Variants in LMBR1 observed in about 807,000 individuals in gnomAD.
The protein encoded by LMBR1 is limb region 1 protein homolog.
A neutral mutation model predicts 73.9 loss-of-function variants in LMBR1; 52 were observed. The observed-to-expected ratio is 0.70, with a 90% CI of 0.56 to 0.89. The LOEUF (loss-of-function observed/expected upper bound fraction) is 0.89. Ranked by LOEUF, LMBR1 falls within the 40% of genes least tolerant of loss-of-function variation. LMBR1 has a pLI of 0.00. For missense variants in LMBR1, 539 were observed against 579.8 expected (o/e 0.93, Z 0.72); for synonymous variants, 215 against 209.4 (o/e 1.03, Z -0.23).
intron 4 of LMBR1, among the ~76,000 whole-genome samples, chr7:156,806,299 A>T (rs1354946435): frequency 6.6e-6 from 1 of 152,222 alleles, no homozygotes; most frequent in Non-Finnish European, 1.5e-5. Context: ...AGTATATAGA[A>T]ATATAATTGT....
chr7:156,838,428 C>T (rs1838052099), intron 1 of LMBR1, among the ~76,000 whole-genome samples: 1 of 152,282 alleles, frequency 6.6e-6, no homozygotes, highest in African/African-American at 2.4e-5. Context: ...AAAAGTTCAA[C>T]ATTTTTAAAT....
chr7:156,733,556 C>T (rs1044049193), intron 10 of LMBR1, among the ~76,000 whole-genome samples: 7 of 151,636 alleles, frequency 4.6e-5, no homozygotes, highest in Admixed American at 3.9e-4. Flanking sequence ...ATTAGACATG[C>T]ACAAGATTGG....
At position 156,681,067 on chromosome 7, in the gene LMBR1, C is replaced by T; in HGVS notation, c.*3011G>A. 1 of 401,582 alleles carries T rather than the reference C, an allele frequency of 2.5e-6. No individual in the cohort carries two copies. The allele number at this position is 401,582 out of a possible 1,614,324, so 24.9% of individuals were successfully genotyped here. ...TTTTTTCAAGTTTAAAAAGTCGGTG[C>T]TGCATCTATGTTCACATTAAAAAAA... On this transcript the variant is annotated 3_prime_UTR_variant, in exon 17 of 17. Transcript: ENST00000353442.
At chr7:156,832,784 A>T (rs1401876722) in intron 3 of LMBR1, among the ~76,000 whole-genome samples, 1 of 152,238 alleles carries the variant, frequency 6.6e-6, no homozygotes, top group Non-Finnish European at 1.5e-5. Flanking sequence ...ATGAAGAAAG[A>T]TCAGACAAAA....
At chr7:156,692,210 G>A (rs1327757535) in intron 15 of LMBR1, among the ~76,000 whole-genome samples, 1 of 151,994 alleles carries the variant, frequency 6.6e-6, no homozygotes, top group African/African-American at 2.4e-5. Context: ...CCAAGTAGTT[G>A]GGAATACAGG....
At chr7:156,847,765 A>C (rs1795699988) in intron 1 of LMBR1, among the ~76,000 whole-genome samples, 1 of 152,198 alleles carries the variant, frequency 6.6e-6, no homozygotes. Context: ...GAACACCACC[A>C]AATGCTGGTG....
chr7:156,737,493 T>G (rs1040110274), intron 9 of LMBR1, among the ~76,000 whole-genome samples: 1 of 152,150 alleles, frequency 6.6e-6, no homozygotes, highest in African/African-American at 2.4e-5. Flanking sequence ...AATCTTCATT[T>G]TGTCATTTCC....
Position 156,733,577 on chromosome 7 carries a change from G to C in LMBR1, c.838+600C>G, listed in dbSNP as rs1017658543. On this transcript the variant is annotated intron_variant, in intron 10 of 16. Transcript: ENST00000353442. Reference sequence around the variant, plus strand: ...CATGCACAAGATTGGTGAAAGTGAAGACACAGCTATAGACGCTAATCAAAA... The same window carrying C: ...CATGCACAAGATTGGTGAAAGTGAACACACAGCTATAGACGCTAATCAAAA... 3.8e-4 allele frequency among the ~76,000 whole-genome samples: 57 copies of C among 151,850 alleles called. 2 individuals carry two copies. Among genetic ancestry groups the C allele is most frequent in the African/African-American group, 2.4e-5 (1 of 41,356 alleles).
chr7:156,854,532 C>G (rs1000107224), intron 1 of LMBR1, among the ~76,000 whole-genome samples: 2 of 152,230 alleles, frequency 1.3e-5, no homozygotes, highest in African/African-American at 4.8e-5. Flanking sequence ...ATGCTGTTCA[C>G]CTCAAGAAAG....
chr7:156,763,723 A>G lies in LMBR1; in HGVS notation c.496T>C (p.Trp166Arg). ...TTGTCAATGAGTGCTGAAGCTACCCACACTATCCCAAGAATGAGTAACGCA... is the reference window on the plus strand; with the variant it reads ...TTGTCAATGAGTGCTGAAGCTACCCGCACTATCCCAAGAATGAGTAACGCA... ...LLALLILGIV[W>R]VASALIDNDA... The change falls in exon 6 of 17, where the codon TGG becomes CGG. Residue 166 changes from tryptophan (W) to arginine (R), a missense_variant. Trp to Arg is a moderately radical substitution (Grantham distance 101, BLOSUM62 -3). Transcript: ENST00000353442. The G allele has an allele frequency of 6.2e-7, 1 of 1,606,332 alleles. No homozygotes were observed. The highest frequency in any genetic ancestry group is 8.5e-7 in the Non-Finnish European group (1 of 1,178,326).
At chr7:156,749,853 T>C (rs1269087975) in intron 9 of LMBR1, among the ~76,000 whole-genome samples, 1 of 151,960 alleles carries the variant, frequency 6.6e-6, no homozygotes, top group African/African-American at 2.4e-5. Context: ...CCACACCCCC[T>C]AATTTTTGTA....
Position 156,728,736 on chromosome 7 carries a change from A to T in LMBR1, c.839-16T>A, listed in dbSNP as rs753050413. Reference sequence around the variant, plus strand: ...TTTCGCCTCTCTATTAAAAGGAAAAACAAAATAAAACAAAGTTTTCTCCAA... The same window carrying T: ...TTTCGCCTCTCTATTAAAAGGAAAATCAAAATAAAACAAAGTTTTCTCCAA... On this transcript the variant is annotated splice_polypyrimidine_tract_variant and intron_variant, in intron 10 of 16. Transcript: ENST00000353442. 1.0e-5 allele frequency: 16 copies of T among 1,536,992 alleles called. No individual in the cohort carries two copies. Among genetic ancestry groups the T allele is most frequent in the Non-Finnish European group, 1.4e-5 (16 of 1,130,544 alleles).
intron 1 of LMBR1, among the ~76,000 whole-genome samples, chr7:156,889,887 C>T (rs1021354686): frequency 2.0e-5 from 3 of 152,052 alleles, no homozygotes; most frequent in African/African-American, 7.2e-5. Flanking sequence ...GCCTGTAGTC[C>T]CAGCTACTTG....
At chr7:156,820,593 G>C (rs1384469930) in intron 4 of LMBR1, among the ~76,000 whole-genome samples, 1 of 152,198 alleles carries the variant, frequency 6.6e-6, no homozygotes, top group Non-Finnish European at 1.5e-5. Flanking sequence ...TAGGGGTCCA[G>C]TGTTGTAGGG....
intron 5 of LMBR1, among the ~76,000 whole-genome samples, chr7:156,775,440 C>T (rs959257428): frequency 2.6e-5 from 4 of 152,158 alleles, no homozygotes; most frequent in African/African-American, 9.7e-5. Flanking sequence ...CACATGCACA[C>T]ATACATTGAC....
Position 156,844,135 on chromosome 7 carries a change from G to A in LMBR1, c.67-7250C>T, listed in dbSNP as rs568704171. ...AGGTCAAAAGTTCAAGACCAGCCTG[G>A]CCAACATGGAGAAACCCCGTCTCTA... On this transcript the variant is annotated intron_variant, in intron 1 of 16. Coordinates refer to ENST00000353442, the MANE Select transcript of LMBR1 (RefSeq NM_022458.4). Among the ~76,000 whole-genome samples the A allele has an allele frequency of 1.9e-4, 29 of 152,110 alleles. No homozygotes were observed. The South Asian group carries it at 6.0e-3, about 32-fold the overall frequency.
intron 4 of LMBR1, among the ~76,000 whole-genome samples, chr7:156,805,308 C>G (rs1037100196): frequency 3.3e-5 from 5 of 151,622 alleles, no homozygotes; most frequent in African/African-American, 1.2e-4. Flanking sequence ...CCTCCGCCTC[C>G]CAGGTTCAAG....
intron 4 of LMBR1, among the ~76,000 whole-genome samples, chr7:156,798,920 A>G (rs553974631): frequency 1.4e-4 from 21 of 152,124 alleles, no homozygotes; most frequent in Admixed American, 2.6e-4. Context: ...CTGGCCGGGC[A>G]TGGTGGCTCA....
chr7:156,778,657 A>G (rs1252790199), intron 5 of LMBR1, among the ~76,000 whole-genome samples: 1 of 152,224 alleles, frequency 6.6e-6, no homozygotes, highest in Non-Finnish European at 1.5e-5. Flanking sequence ...ACTAGTAAAT[A>G]TACAAGTACT....
Sources: allele counts gnomAD v4.1 joint callset (sites outside exome capture counted in the v4.1 genomes callset), GRCh38; gene constraint gnomAD v4.1.1; transcripts MANE v1.5; gene names NCBI Gene and HGNC (gene_info 2026-07-23, HGNC 2026-07-21).